Variants in PITPNM1 observed in about 807,000 individuals in gnomAD.
PITPNM1 encodes membrane-associated phosphatidylinositol transfer protein 1.
A neutral mutation model predicts 133.3 loss-of-function variants in PITPNM1; 74 were observed. The observed-to-expected ratio is 0.56, with a 90% confidence interval of 0.46 to 0.67. PITPNM1 has a LOEUF of 0.67. PITPNM1 is among the 30% of genes least tolerant of loss of function. The pLI, the probability that PITPNM1 is intolerant of heterozygous loss-of-function variation, is 0.00. For missense variants in PITPNM1, 1,398 were observed against 1,739.5 expected (o/e 0.80, Z 3.49); for synonymous variants, 738 against 741.4 (o/e 1.00, Z 0.08).
intron 14 of PITPNM1, chr11:67,497,022 G>A (rs1486314751): frequency 1.3e-5 from 6 of 469,222 alleles, no homozygotes; most frequent in South Asian, 4.9e-5. Flanking sequence ...AACATCCCAC[G>A]GGTGTGAAGC....
rs548759622 is a variant in PITPNM1, at chr11:67,501,310, G to A, written c.640+552C>T. On this transcript the variant is annotated intron_variant, in intron 5 of 23. Coordinates refer to ENST00000356404, the MANE Select transcript of PITPNM1 (RefSeq NM_004910.3). ...GGGTCAGTAGTGGGACAGAAGCCAG[G>A]CCGCTGGTCTCTCCAACTAGGGACC... Among the ~76,000 whole-genome samples the A allele has an allele frequency of 4.6e-5, 7 of 152,350 alleles. No homozygotes were observed. In the East Asian group the frequency reaches 1.2e-3, roughly 25 times the overall value.
intron 22 of PITPNM1, 108 bp downstream of exon 22, chr11:67,493,302 C>T: frequency 7.8e-7 from 1 of 1,283,450 alleles, no homozygotes; most frequent in East Asian, 2.5e-5. Flanking sequence ...TCAGGCAGGG[C>T]CCGGGCCGAT....
In PITPNM1 at chr11:67,493,405, C is replaced by G. The variant is rs763475792; in HGVS notation, c.3342+5G>C. 3 of 1,573,914 alleles carry G rather than the reference C, an allele frequency of 1.9e-6. No homozygotes were observed. Among genetic ancestry groups the G allele is most frequent in the Non-Finnish European group, 2.6e-6 (3 of 1,155,202 alleles). ...AGGACCCGGAGCCTCCCCCAGCCGC[C>G]GCACCTCCTGCACCAGGCTCTGCAG... On this transcript the variant is annotated splice_donor_5th_base_variant and intron_variant, in intron 22 of 23. Transcript: ENST00000356404.
At position 67,496,350 on chromosome 11, in the gene PITPNM1, T is replaced by C; in HGVS notation, c.2147-2A>G. ...CACAGGCTGGGCGCATCTGGGCTGC[T>C]GGTACCCAGAAGACAGAGAAAGATT... On this transcript the variant is annotated splice_acceptor_variant, in intron 14 of 23. Transcript: ENST00000356404. LOFTEE classifies it high-confidence loss of function. 6.4e-7 allele frequency: 1 copy of C among 1,573,918 alleles called. No homozygotes were observed. The highest frequency in any genetic ancestry group is 8.6e-7 in the Non-Finnish European group (1 of 1,167,078).
chr11:67,494,811 C>CCA lies in PITPNM1; in HGVS notation c.2742+34_2742+35insTG, dbSNP rs202207490. 11 of 1,347,510 alleles carry CCA rather than the reference C, an allele frequency of 8.2e-6. 1 individual carries two copies. Among genetic ancestry groups the CCA allele is most frequent in the Non-Finnish European group, 1.2e-5 (11 of 954,364 alleles). The allele number at this position is 1,347,510 out of a possible 1,614,324, so 83.5% of individuals were successfully genotyped here. A position where few individuals can be genotyped will look rare whatever the true frequency, so the allele number is the denominator to read the frequency against. On this transcript the variant is annotated intron_variant, in intron 18 of 23. Transcript: ENST00000356404. ...TCTCTGGTGAGTGGGCGAGAGTGGG[C>CCA]GAGTGGGCGAGGGGGCGAGGGGCAG...
rs1169845397 is a variant in PITPNM1 at position 67,500,258 on chromosome 11, G to A, written c.804C>T (p.Ala268=). ...KCNTGSEGSE[A]QPPGKPSTEA... ...CGGTGCTCGGTTTCCCGGGGGGCTG[G>A]GCCTCGGACCCCTCACTGCCTGTGT... is the stretch of plus-strand genomic sequence containing the variant. The change falls in exon 6 of 24, where the codon GCC becomes GCT. Residue 268 remains alanine, a synonymous_variant. Transcript: ENST00000356404. 1.2e-6 allele frequency: 2 copies of A among 1,607,342 alleles called. No homozygotes were observed. Among genetic ancestry groups the A allele is most frequent in the African/African-American group, 1.3e-5 (1 of 75,058 alleles).
Position 67,496,364 on chromosome 11 carries a change from C to T in PITPNM1, c.2147-16G>A. The T allele has an allele frequency of 1.3e-6, 2 of 1,565,264 alleles. No individual in the cohort carries two copies. Among genetic ancestry groups the T allele is most frequent in the Admixed American group, 3.8e-5 (2 of 52,088 alleles). ...ATCTGGGCTGCTGGTACCCAGAAGA[C>T]AGAGAAAGATTGTGGGGTCAGGGTT... On this transcript the variant is annotated splice_polypyrimidine_tract_variant and intron_variant, in intron 14 of 23. Transcript: ENST00000356404.
At chr11:67,497,743 G>A in intron 12 of PITPNM1, 64 bp from the exon 13 acceptor site, 1 of 1,586,850 alleles carries the variant, frequency 6.3e-7, no homozygotes, top group Non-Finnish European at 8.6e-7. Flanking sequence ...TACTTACTTA[G>A]AAGTGAGGAG....
intron 22 of PITPNM1, 99 bp from the exon 23 acceptor site, chr11:67,493,161 A>G (rs1865990717): frequency 9.2e-6 from 13 of 1,406,936 alleles, no homozygotes; most frequent in African/African-American, 1.4e-5. Flanking sequence ...GGGTGGGTCC[A>G]GGCAGACGGA....
At chr11:67,495,890 G>T (rs1018317533) in intron 15 of PITPNM1, among the ~76,000 whole-genome samples, 2 of 152,250 alleles carry the variant, frequency 1.3e-5, no homozygotes, top group Non-Finnish European at 2.9e-5. Flanking sequence ...ACCCCACACA[G>T]ATGCAGCAGC....
At position 67,491,872 on chromosome 11, in the gene PITPNM1, A is replaced by G. The variant is rs1481319756; in HGVS notation, c.*161T>C. 1 of 771,928 alleles carries G rather than the reference A, an allele frequency of 1.3e-6. No individual in the cohort carries two copies. Among genetic ancestry groups the G allele is most frequent in the Non-Finnish European group, 2.0e-6 (1 of 495,590 alleles). The allele number at this position is 771,928 out of a possible 1,614,324, so 47.8% of individuals were successfully genotyped here. On this transcript the variant is annotated 3_prime_UTR_variant, in exon 24 of 24. Coordinates refer to ENST00000356404, the MANE Select transcript of PITPNM1 (RefSeq NM_004910.3). ...TCCCCCCGGCGCTGGGTCCCCTCAT[A>G]TGAAAGGGAAGTAACACCGAGGAGC...
In PITPNM1 at chr11:67,496,315, T is replaced by C. The variant is rs1866121190; in HGVS notation, c.2180A>G (p.Tyr727Cys). 2 of 1,584,784 alleles carry C rather than the reference T, an allele frequency of 1.3e-6. No homozygotes were observed. The highest frequency in any genetic ancestry group is 1.4e-5 in the African/African-American group (1 of 72,948). The change falls in exon 15 of 24, where the codon TAC becomes TGC. Residue 727 changes from tyrosine to cysteine, a missense_variant. Tyr to Cys is a radical substitution (Grantham distance 194). Around this residue, in one of 5 missense-constraint regions of PITPNM1, gnomAD observed 574 missense variants for 698.7 expected, o/e 0.82. Transcript: ENST00000356404. The stretch of plus-strand genomic sequence containing the variant: ...GGGGTCAGCCGCGTGGAAGAGGTTG[T>C]AGATCTGTTCACAGGCTGGGCGCAT... ...AQMRPACEQI[Y>C]NLFHAADPCA...
chr11:67,505,960 C>T (rs925829250), upstream of PITPNM1, among the ~76,000 whole-genome samples: 2 of 152,226 alleles, frequency 1.3e-5, no homozygotes, highest in African/African-American at 2.4e-5. This position sits in a 1 kb window ranked among gnomAD's most constrained non-coding sequence, Gnocchi z 5.8. Context: ...AAAGGCCTCA[C>T]GAGGCACCCC....
chr11:67,499,093 T>C lies in PITPNM1; in HGVS notation c.1172-92A>G, dbSNP rs557654029. On this transcript the variant is annotated intron_variant, in intron 8 of 23. Transcript: ENST00000356404. ...AGGCACCCCAGTTCTGGCATCTGCC[T>C]GAGGCCCCCAGTCCCTACCTTCCTC... The C allele has an allele frequency of 9.4e-5, 120 of 1,279,950 alleles. No individual in the cohort carries two copies. The African/African-American group carries it at 1.5e-3, about 16-fold the overall frequency. The allele number at this position is 1,279,950 out of a possible 1,614,324, so 79.3% of individuals were successfully genotyped here. A position where few individuals can be genotyped will look rare whatever the true frequency, so the allele number is the denominator to read the frequency against.
chr11:67,494,377 G>A lies in PITPNM1; in HGVS notation c.2743-17C>T, dbSNP rs1866036865. ...AGTGACGTTCTAGAGGGAGGAGAGG[G>A]CGTGAGTCCGCGGCCAGCAAAGGAT... On this transcript the variant is annotated splice_polypyrimidine_tract_variant and intron_variant, in intron 18 of 23. Coordinates refer to ENST00000356404, the MANE Select transcript of PITPNM1 (RefSeq NM_004910.3). 2.6e-6 allele frequency: 4 copies of A among 1,558,078 alleles called. No individual in the cohort carries two copies. The highest frequency in any genetic ancestry group is 1.8e-5 in the Admixed American group (1 of 55,798).
chr11:67,499,337 G>A (rs1335413122), intron 8 of PITPNM1, among the ~76,000 whole-genome samples: 2 of 151,650 alleles, frequency 1.3e-5, no homozygotes, highest in Non-Finnish European at 2.9e-5. Context: ...CAGTTCCTCA[G>A]TCACACTAAC....
chr11:67,502,708 C>T lies in PITPNM1; in HGVS notation c.89G>A (p.Arg30Gln), dbSNP rs147456810. ...AQLYMIQKKS[R>Q]EESSGEGSGV... ...GCTGCCCTCACCACTAGACTCCTCC[C>T]GGCTCTTTTTCTGTGGCCCAAGGGA... The change falls in exon 3 of 24, where the codon CGG becomes CAG. Residue 30 changes from arginine (R) to glutamine (Q), a missense_variant. Arg to Gln is a conservative substitution (Grantham distance 43). This residue lies in a region of PITPNM1 where 274 missense variants were observed against 360.7 expected (regional missense o/e 0.76). Coordinates refer to ENST00000356404, the MANE Select transcript of PITPNM1 (RefSeq NM_004910.3). The surrounding 1 kb of genome is among the most constrained non-coding windows in gnomAD (Gnocchi z 5.9). The T allele has an allele frequency of 8.1e-6, 13 of 1,612,266 alleles. No homozygotes were observed. Among genetic ancestry groups the T allele is most frequent in the African/African-American group, 2.7e-5 (2 of 74,914 alleles).
intron 18 of PITPNM1, 63 bp from the exon 19 acceptor site, chr11:67,494,423 A>C: frequency 6.2e-6 from 6 of 964,976 alleles, no homozygotes; most frequent in Non-Finnish European, 7.2e-6. Flanking sequence ...GGGGAGGGGG[A>C]GCGGGTGAGG....
rs1412934588 is a variant in PITPNM1 at position 67,502,656 on chromosome 11, G to C, written c.141C>G (p.Pro47=). The C allele has an allele frequency of 3.7e-6, 6 of 1,613,496 alleles. No homozygotes were observed. The highest frequency in any genetic ancestry group is 5.1e-6 in the Non-Finnish European group (6 of 1,180,016). Residue 47 remains proline, a synonymous_variant, in exon 3 of 24, where the codon CCC becomes CCG. Coordinates refer to ENST00000356404, the MANE Select transcript of PITPNM1 (RefSeq NM_004910.3). The surrounding 1 kb of genome is among the most constrained non-coding windows in gnomAD (Gnocchi z 5.9). ...CGCTGCCCCCGGGCCCATCCGTGTA[G>C]GGCCGGTTGGCCAGGATCTCCACGC... ...GSGVEILANR[P]YTDGPGGSGQ...
Sources: gnomAD v4.1 joint callset for allele counts (sites outside exome capture counted in the v4.1 genomes callset) on GRCh38, gnomAD v4.1.1 for gene constraint, gnomAD v4.1.1 regional missense constraint, Gnocchi (gnomAD v3.1) non-coding constraint, MANE v1.5 for transcripts, NCBI Gene and HGNC (gene_info 2026-07-23, HGNC 2026-07-21) for gene names.